CEP85L: variants seen among roughly 807,000 people sequenced by gnomAD.
The protein encoded by CEP85L is centrosomal protein 85L, also known as centrosomal protein of 85 kDa-like.
Under a neutral mutation model 100.3 loss-of-function variants are expected in CEP85L, and 60 were observed. That is an observed-to-expected ratio of 0.60 (90% confidence interval 0.49 to 0.74). CEP85L has a LOEUF of 0.74. Among genes scored for constraint, CEP85L ranks in the 30% least tolerant of loss-of-function variants. CEP85L has a pLI of 0.00. For synonymous variants in CEP85L, 319 were observed against 322.7 expected, an observed-to-expected ratio of 0.99 and a Z score of 0.12; for missense variants, 973 against 936.2, an observed-to-expected ratio of 1.04 and a Z score of -0.51.
chr6:118,579,438 A>T (rs1203826299), intron 2 of CEP85L, among the ~76,000 whole-genome samples: 1 of 152,080 alleles, frequency 6.6e-6, no homozygotes, highest in Non-Finnish European at 1.5e-5. Flanking sequence ...GCCTTTTAAA[A>T]TTTCATTCAA....
At chr6:118,606,561 C>A (rs183550366) in intron 2 of CEP85L, among the ~76,000 whole-genome samples, 3 of 152,222 alleles carry the variant, frequency 2.0e-5, no homozygotes, top group Admixed American at 6.5e-5. Flanking sequence ...ATGACATGAA[C>A]CCTAAAATTC....
chr6:118,627,198 C>CAAA (rs56203910), intron 2 of CEP85L, among the ~76,000 whole-genome samples: 1 of 72,574 alleles, frequency 1.4e-5, no homozygotes, highest in Non-Finnish European at 2.6e-5. Context: ...GACTCCATCT[C>CAAA]AAAAAAAAAA....
chr6:118,629,252 C>T (rs1773992585), intron 2 of CEP85L, among the ~76,000 whole-genome samples: 1 of 152,080 alleles, frequency 6.6e-6, no homozygotes, highest in Non-Finnish European at 1.5e-5. Context: ...TCCACAATAC[C>T]AAAGGATGTC....
intron 3 of CEP85L, among the ~76,000 whole-genome samples, chr6:118,549,538 T>G (rs911814755): frequency 5.9e-5 from 9 of 151,978 alleles, no homozygotes; most frequent in African/African-American, 2.2e-4. Flanking sequence ...ATGTTAATTC[T>G]ATTGCTCACT....
At chr6:118,506,462 C>G (rs1334573270) in intron 5 of CEP85L, among the ~76,000 whole-genome samples, 1 of 152,132 alleles carries the variant, frequency 6.6e-6, no homozygotes, top group Non-Finnish European at 1.5e-5. Context: ...GAAGAGCACC[C>G]AAAGGGCAGG....
chr6:118,580,154 C>G (rs1289252975), intron 2 of CEP85L, among the ~76,000 whole-genome samples: 1 of 152,184 alleles, frequency 6.6e-6, no homozygotes, highest in Admixed American at 6.5e-5. Context: ...TTCCCTCTCT[C>G]AGCTTGGAGC....
At chr6:118,528,533 A>G (rs991823377) in intron 3 of CEP85L, among the ~76,000 whole-genome samples, 15 of 152,206 alleles carry the variant, frequency 9.9e-5, no homozygotes, top group African/African-American at 3.6e-4. Context: ...CAATATATTT[A>G]AAATTTACCA....
Position 118,664,829 on chromosome 6 carries a change from G to A in CEP85L, c.-27-12021C>T, listed in dbSNP as rs118131171. On this transcript the variant is annotated intron_variant, in intron 1 of 13. Coordinates refer to the CEP85L transcript ENST00000368488. ...CCTATTCTTGTGCTCCAGCTATCTC[G>A]GTAGTCACTTACTGGAAAATGGATT... is the stretch of plus-strand genomic sequence containing the variant. Among the ~76,000 whole-genome samples, 800 of 152,072 alleles carry A rather than the reference G, an allele frequency of 5.3e-3. 4 individuals carry two copies. The highest frequency in any genetic ancestry group is 9.2e-3 in the Non-Finnish European group (625 of 67,976).
rs180763778 is a variant in CEP85L, at chr6:118,627,424, T to C, written c.232+5029A>G. On this transcript the variant is annotated intron_variant, in intron 2 of 12. Transcript: ENST00000368491. ...CTGAACAAAGTGAAAAAGCAACAAC[T>C]CTTCTTAGATCCCAAAGAGAACTGA... 2.9e-3 allele frequency among the ~76,000 whole-genome samples: 438 copies of C among 152,244 alleles called. 1 individual carries two copies. Among genetic ancestry groups the C allele is most frequent in the Non-Finnish European group, 4.2e-3 (285 of 68,020 alleles).
chr6:118,626,952 C>A (rs903912817), intron 2 of CEP85L, among the ~76,000 whole-genome samples: 5 of 152,146 alleles, frequency 3.3e-5, no homozygotes, highest in Non-Finnish European at 7.4e-5. Flanking sequence ...GTAATCCCAG[C>A]AGTTTGAGAG....
At chr6:118,559,935 C>A (rs1051172641) in intron 3 of CEP85L, 3 of 166,978 alleles carry the variant, frequency 1.8e-5, no homozygotes, top group East Asian at 1.9e-4. Context: ...CTAGAGTTAC[C>A]TAGCTTACCA....
rs190216056 is a variant in CEP85L at position 118,666,123 on chromosome 6, T to C, written c.-27-13315A>G. On this transcript the variant is annotated intron_variant, in intron 1 of 13. Coordinates refer to the CEP85L transcript ENST00000368488. ...CTGTATCCCCAAATAGAGCCCCAGA[T>C]TCCTGGCTACTTTGCTGGACTTCTC... Among the ~76,000 whole-genome samples the C allele has an allele frequency of 9.2e-5, 14 of 152,340 alleles. No individual in the cohort carries two copies. In the East Asian group the frequency reaches 2.7e-3, roughly 29 times the overall value.
At chr6:118,607,787 C>T (rs546812948) in intron 2 of CEP85L, among the ~76,000 whole-genome samples, 12 of 152,172 alleles carry the variant, frequency 7.9e-5, no homozygotes, top group African/African-American at 2.4e-4. Flanking sequence ...TCCTTTGGGT[C>T]GGGGGTCTCA....
intron 3 of CEP85L, among the ~76,000 whole-genome samples, chr6:118,546,057 TA>T (rs1778183679): frequency 6.6e-6 from 1 of 152,136 alleles, no homozygotes; most frequent in Non-Finnish European, 1.5e-5. Flanking sequence ...GATAACACTA[TA>T]ACTCATTAAT....
At chr6:118,605,090 G>A (rs1772101033) in intron 2 of CEP85L, among the ~76,000 whole-genome samples, 1 of 152,166 alleles carries the variant, frequency 6.6e-6, no homozygotes. Context: ...TGGCTTCAGG[G>A]TGGAGCCCTT....
intron 5 of CEP85L, chr6:118,501,676 G>A: frequency 4.5e-6 from 3 of 661,838 alleles, no homozygotes; most frequent in Non-Finnish European, 8.5e-6. Context: ...TACACTCAGA[G>A]ATGAAAATTT....
chr6:118,535,691 T>C (rs931211017), intron 3 of CEP85L, among the ~76,000 whole-genome samples: 1 of 152,186 alleles, frequency 6.6e-6, no homozygotes, highest in African/African-American at 2.4e-5. Context: ...TGGCGTGTAG[T>C]GCCATCTTGG....
upstream of CEP85L, among the ~76,000 whole-genome samples, chr6:118,653,511 A>C (rs1236335776): frequency 6.6e-6 from 1 of 152,240 alleles, no homozygotes; most frequent in Admixed American, 6.5e-5. Flanking sequence ...GGTATGATAC[A>C]GCCATGGTTT....
At chr6:118,579,963 G>A (rs1005257888) in intron 2 of CEP85L, among the ~76,000 whole-genome samples, 6 of 152,142 alleles carry the variant, frequency 3.9e-5, no homozygotes, top group Admixed American at 2.0e-4. Flanking sequence ...ATATCCCCAC[G>A]TGTGTAGAAC....
Sources: gnomAD v4.1 joint callset for allele counts (sites outside exome capture counted in the v4.1 genomes callset) on GRCh38, gnomAD v4.1.1 for gene constraint, MANE v1.5 for transcripts, NCBI Gene and HGNC (gene_info 2026-07-23, HGNC 2026-07-21) for gene names.